Variants in SLC39A11 observed in about 807,000 individuals in gnomAD.
SLC39A11 encodes zinc transporter ZIP11.
SLC39A11 carries 33 observed loss-of-function variants against 36.1 expected under a neutral mutation model. That is an observed-to-expected ratio of 0.91 (90% CI 0.69 to 1.22). The LOEUF is 1.22. Among genes scored for constraint, SLC39A11 ranks in the 50% most tolerant of loss-of-function variants. SLC39A11 has a pLI of 0.00. For missense variants in SLC39A11, 432 were observed against 430.3 expected, an observed-to-expected ratio of 1.00 and a Z score of -0.03; for synonymous variants, 166 against 170.3, an observed-to-expected ratio of 0.97 and a Z score of 0.20.
chr17:73,052,870 T>G (rs1454764883), intron 3 of SLC39A11, among the ~76,000 whole-genome samples: 1 of 152,090 alleles, frequency 6.6e-6, no homozygotes, highest in Non-Finnish European at 1.5e-5. Context: ...CTGGCTAATT[T>G]TTGCATTTTT....
chr17:72,728,792 G>A (rs1056907967), intron 7 of SLC39A11, among the ~76,000 whole-genome samples: 3 of 152,110 alleles, frequency 2.0e-5, no homozygotes, highest in African/African-American at 4.8e-5. Context: ...CCCAATCTGT[G>A]TAAATGGAGT....
intron 7 of SLC39A11, among the ~76,000 whole-genome samples, chr17:72,700,723 G>A (rs1033747279): frequency 2.0e-5 from 3 of 152,366 alleles, no homozygotes; most frequent in African/African-American, 7.2e-5. Flanking sequence ...ACAATTCCAC[G>A]TGGATGGGGA....
chr17:72,928,491 G>C (rs915245130), intron 5 of SLC39A11, among the ~76,000 whole-genome samples: 5 of 152,194 alleles, frequency 3.3e-5, no homozygotes, highest in Non-Finnish European at 7.3e-5. Context: ...GTCATATTAA[G>C]AAGGTAAGGA....
rs190598923 is a variant in SLC39A11, at chr17:72,838,016, G to A, written c.601+11618C>T. On this transcript the variant is annotated intron_variant, in intron 6 of 9. Coordinates refer to ENST00000255559, the MANE Select transcript of SLC39A11 (RefSeq NM_139177.4). ...GAATAGTGGTAGGTTGGGTACAGTG[G>A]CTTACACCTATAATCTCAGCACTAT... is the stretch of plus-strand genomic sequence containing the variant. The A allele has an allele frequency of 5.0e-4, 617 of 1,227,556 alleles. 3 individuals are homozygous for A. In the African/African-American group the frequency reaches 8.4e-3, roughly 17 times the overall value. 76.0% of individuals were successfully genotyped at this position (1,227,556 alleles called of 1,614,324 possible).
At chr17:72,941,556 G>T (rs1276396316) in intron 5 of SLC39A11, among the ~76,000 whole-genome samples, 2 of 146,696 alleles carry the variant, frequency 1.4e-5, no homozygotes, top group African/African-American at 2.5e-5. Context: ...TCAGGACTGT[G>T]TTTTTTTTTT....
At chr17:72,957,486 A>G (rs899229770) in intron 4 of SLC39A11, among the ~76,000 whole-genome samples, 1 of 152,212 alleles carries the variant, frequency 6.6e-6, no homozygotes, top group African/African-American at 2.4e-5. Context: ...TGAGGACACA[A>G]GGATACATTC....
intron 5 of SLC39A11, among the ~76,000 whole-genome samples, chr17:72,925,805 A>G (rs1355472533): frequency 6.6e-6 from 1 of 152,244 alleles, no homozygotes; most frequent in Non-Finnish European, 1.5e-5. Context: ...GACATTGCAC[A>G]TGGCCACAGG....
intron 3 of SLC39A11, among the ~76,000 whole-genome samples, chr17:73,072,705 G>A (rs1305431993): frequency 6.6e-6 from 1 of 152,122 alleles, no homozygotes; most frequent in Non-Finnish European, 1.5e-5. Flanking sequence ...GGGAGTCAGG[G>A]AGCCTCAAGC....
intron 5 of SLC39A11, among the ~76,000 whole-genome samples, chr17:72,901,219 T>C (rs1004643750): frequency 1.3e-5 from 2 of 152,192 alleles, no homozygotes; most frequent in African/African-American, 4.8e-5. Flanking sequence ...CTGCGGGAGC[T>C]GGAGCGCATG....
chr17:72,647,436 A>G lies in SLC39A11; in HGVS notation c.*148T>C, dbSNP rs2069605492. The G allele has an allele frequency of 1.7e-6, 1 of 580,152 alleles. No homozygotes were observed. The highest frequency in any genetic ancestry group is 2.6e-5 in the South Asian group (1 of 38,434). 35.9% of individuals were successfully genotyped at this position (580,152 alleles called of 1,614,324 possible). ...CTCAAAGCAAAGTAAAAATGGTTCT[A>G]TTATAATCAGAGTCAATCAGGATAA... is the stretch of plus-strand genomic sequence containing the variant. On this transcript the variant is annotated 3_prime_UTR_variant, in exon 10 of 10. Transcript: ENST00000255559.
intron 6 of SLC39A11, among the ~76,000 whole-genome samples, chr17:72,743,276 A>T (rs2074790654): frequency 6.6e-6 from 1 of 152,200 alleles, no homozygotes; most frequent in South Asian, 2.1e-4. Context: ...GTTTGCTTGC[A>T]GCTTTCCCCC....
chr17:72,672,379 G>A (rs1052755956), intron 7 of SLC39A11, among the ~76,000 whole-genome samples: 7 of 152,170 alleles, frequency 4.6e-5, no homozygotes, highest in Non-Finnish European at 1.0e-4. Flanking sequence ...AACCCAGGAG[G>A]TGGATGTTAC....
At chr17:73,021,646 A>G (rs1233904644) in intron 4 of SLC39A11, among the ~76,000 whole-genome samples, 1 of 152,046 alleles carries the variant, frequency 6.6e-6, no homozygotes, top group African/African-American at 2.4e-5. Flanking sequence ...TTCCATACTC[A>G]TAATCATCTT....
At chr17:72,963,687 A>T (rs2086784192) in intron 4 of SLC39A11, among the ~76,000 whole-genome samples, 1 of 152,202 alleles carries the variant, frequency 6.6e-6, no homozygotes, top group South Asian at 2.1e-4. Flanking sequence ...CTCCAAACTC[A>T]TAGGAGGAAT....
At chr17:72,767,126 T>A (rs2075785021) in intron 6 of SLC39A11, among the ~76,000 whole-genome samples, 1 of 152,236 alleles carries the variant, frequency 6.6e-6, no homozygotes, top group Non-Finnish European at 1.5e-5. Flanking sequence ...CCTCTCAGGT[T>A]TATTCTCCAA....
intron 6 of SLC39A11, chr17:72,818,971 T>C (rs970700566): frequency 1.3e-5 from 2 of 151,898 alleles, no homozygotes; most frequent in African/African-American, 4.8e-5. Context: ...AATGAATGTC[T>C]GCCCTATTAT....
At chr17:72,966,500 G>A (rs1253147121) in intron 4 of SLC39A11, among the ~76,000 whole-genome samples, 3 of 152,094 alleles carry the variant, frequency 2.0e-5, no homozygotes, top group Non-Finnish European at 4.4e-5. Context: ...GTCACAAACC[G>A]GGCCGCACAT....
intron 3 of SLC39A11, among the ~76,000 whole-genome samples, chr17:73,055,452 G>C (rs1488382036): frequency 6.7e-6 from 1 of 149,692 alleles, no homozygotes; most frequent in Non-Finnish European, 1.5e-5. Flanking sequence ...TTTTTTTTTA[G>C]AGAGGGTCTC....
At chr17:72,962,712 T>G (rs1164550053) in intron 4 of SLC39A11, among the ~76,000 whole-genome samples, 3 of 152,116 alleles carry the variant, frequency 2.0e-5, no homozygotes, top group Non-Finnish European at 4.4e-5. Flanking sequence ...AAGTTTTGTA[T>G]TTTTAGTAGA....
Sources: allele counts gnomAD v4.1 joint callset (sites outside exome capture counted in the v4.1 genomes callset), GRCh38; gene constraint gnomAD v4.1.1; transcripts MANE v1.5; gene names NCBI Gene and HGNC (gene_info 2026-07-23, HGNC 2026-07-21).